The following CDK20 variants were observed in gnomAD, a reference collection of about 807,000 sequenced individuals.
CDK20 encodes the protein cyclin-dependent kinase 20.
In CDK20, 40 loss-of-function variants were observed where a neutral mutation model predicts 38.6. The ratio of observed to expected loss-of-function variants is 1.04; its 90% CI spans 0.81 to 1.35. The LOEUF is 1.35. Among genes scored for constraint, CDK20 ranks in the 40% most tolerant of loss-of-function variants. The pLI is 0.00. For missense variants in CDK20, 512 were observed against 452.6 expected (o/e 1.13, Z -1.19); for synonymous variants, 209 against 185.7 (o/e 1.13, Z -1.02).
intron 1 of CDK20, 72 bp downstream of exon 1, chr9:87,974,300 C>G: frequency 1.0e-5 from 15 of 1,487,084 alleles, no homozygotes; most frequent in Non-Finnish European, 1.3e-5. Flanking sequence ...GGAACCGAAA[C>G]AGTTTAGAGC....
rs753038570 is a variant in CDK20 at position 87,967,322 on chromosome 9, G to A, written c.*140C>T. 5.3e-4 allele frequency: 450 copies of A among 852,426 alleles called. No homozygotes were observed. Among genetic ancestry groups the A allele is most frequent in the Non-Finnish European group, 7.7e-4 (397 of 514,196 alleles). 52.8% of individuals were successfully genotyped at this position (852,426 alleles called of 1,614,324 possible). Reference sequence around the variant, plus strand: ...GACCTCTGCCTCGAGACCAACCCTCGCAAGGGCTAAGGGGCAGGGTGTGGT... The same window carrying A: ...GACCTCTGCCTCGAGACCAACCCTCACAAGGGCTAAGGGGCAGGGTGTGGT... On this transcript the variant is annotated 3_prime_UTR_variant, in exon 8 of 8. Coordinates refer to ENST00000325303, the MANE Select transcript of CDK20 (RefSeq NM_001039803.3).
At chr9:87,969,380 GAGA>G (rs1829688872) in intron 6 of CDK20, 31 bp from the exon 7 acceptor site, 1 of 1,610,760 alleles carries the variant, frequency 6.2e-7, no homozygotes, top group East Asian at 2.2e-5. Flanking sequence ...AGGGTACAAT[GAGA>G]GTAGTTCCCG....
intron 5 of CDK20, chr9:87,970,347 T>G (rs1829759527): frequency 1.8e-6 from 1 of 545,618 alleles, no homozygotes; most frequent in Non-Finnish European, 3.2e-6. Flanking sequence ...GCTTCCCACC[T>G]GGGACCACCA....
chr9:87,972,046 A>G (rs1255193580), intron 2 of CDK20, among the ~76,000 whole-genome samples: 1 of 152,096 alleles, frequency 6.6e-6, no homozygotes, highest in Admixed American at 6.5e-5. Flanking sequence ...TCTACAAAAA[A>G]TACAAAAAAC....
rs141591281 is a variant in CDK20 at position 87,974,527 on chromosome 9, C to T, written c.-81G>A. On this transcript the variant is annotated 5_prime_UTR_variant, in exon 1 of 8. Coordinates refer to ENST00000325303, the MANE Select transcript of CDK20 (RefSeq NM_001039803.3). ...CTCCTCCACCCCACGCTGATCTGAG[C>T]TCGCACGCTGTTGCCTAGCAACAGC... 6.9e-6 allele frequency: 9 copies of T among 1,311,764 alleles called. No individual in the cohort carries two copies. The highest frequency in any genetic ancestry group is 1.4e-5 in the South Asian group (1 of 69,444). The allele number at this position is 1,311,764 out of a possible 1,614,324, so 81.3% of individuals were successfully genotyped here.
At chr9:87,970,103 C>T in intron 5 of CDK20, 184 bp from the exon 6 acceptor site, 1 of 589,292 alleles carries the variant, frequency 1.7e-6, no homozygotes, top group South Asian at 3.7e-5. Flanking sequence ...AGCAAAGCCC[C>T]AGCTGTTCCA....
At chr9:87,972,382 A>C (rs1411361951) in intron 2 of CDK20, among the ~76,000 whole-genome samples, 2 of 152,164 alleles carry the variant, frequency 1.3e-5, no homozygotes, top group Admixed American at 1.3e-4. Flanking sequence ...CCAGCACAGA[A>C]GGAGGCTAGA....
intron 6 of CDK20, 181 bp downstream of exon 6, chr9:87,969,615 C>T (rs1564155975): frequency 5.1e-6 from 5 of 987,670 alleles, no homozygotes; most frequent in African/African-American, 4.9e-5. Context: ...AGGACAGGAT[C>T]TACCCCAACC....
chr9:87,968,956 C>T (rs1352817364), intron 7 of CDK20: 2 of 532,492 alleles, frequency 3.8e-6, no homozygotes, highest in Non-Finnish European at 6.7e-6. Flanking sequence ...GTTGGGCATG[C>T]CCCTCGTATG....
Position 87,969,549 on chromosome 9 carries a change from CTG to C in CDK20, c.688-202_688-201del, listed in dbSNP as rs538157225. The C allele has an allele frequency of 9.4e-5, 72 of 765,566 alleles. No homozygotes were observed. The African/African-American group carries it at 1.0e-3, about 11-fold the overall frequency. The allele number at this position is 765,566 out of a possible 1,614,324, so 47.4% of individuals were successfully genotyped here. A position where few individuals can be genotyped will look rare whatever the true frequency, so the allele number is the denominator to read the frequency against. On this transcript the variant is annotated intron_variant, in intron 6 of 7. Transcript: ENST00000325303. ...CCCCTTGCCCTCTCAGATGACGACTCTGTGCACAGCTTGCTGAGACACTGCAC... is the reference window on the plus strand; with the variant it reads ...CCCCTTGCCCTCTCAGATGACGACTCTGCACAGCTTGCTGAGACACTGCAC...
At chr9:87,971,001 T>C in intron 3 of CDK20, 104 bp from the exon 4 acceptor site, 1 of 1,536,390 alleles carries the variant, frequency 6.5e-7, no homozygotes. Context: ...GGTCCCCACC[T>C]CCTCCAGGGC....
rs150947699 is a variant in CDK20, at chr9:87,969,442, C to T, written c.688-93G>A. ...CAACTCTCAGCCCCTAACACACACT[C>T]ACATGGGGGGTGCTCTCCCATCCAT... On this transcript the variant is annotated intron_variant, in intron 6 of 7. Transcript: ENST00000325303. The T allele has an allele frequency of 2.3e-5, 31 of 1,368,898 alleles. No homozygotes were observed. In the Admixed American group the frequency reaches 2.6e-4, roughly 11 times the overall value. 84.8% of individuals were successfully genotyped at this position (1,368,898 alleles called of 1,614,324 possible).
In CDK20 at chr9:87,966,847, A is replaced by G. The variant is rs1254725309; in HGVS notation, c.*615T>C. The G allele has an allele frequency of 2.8e-6, 1 of 359,598 alleles. No homozygotes were observed. Among genetic ancestry groups the G allele is most frequent in the East Asian group, 7.3e-5 (1 of 13,640 alleles). The allele number at this position is 359,598 out of a possible 1,614,324, so 22.3% of individuals were successfully genotyped here. ...GATGTGAAGTACACAGGAGTCCCTC[A>G]GGGCAAAAGTGGCTATGCCTGGTGC... On this transcript the variant is annotated 3_prime_UTR_variant, in exon 8 of 8. Transcript: ENST00000325303.
At chr9:87,971,115 A>C in intron 3 of CDK20, 32 bp downstream of exon 3, 1 of 1,604,354 alleles carries the variant, frequency 6.2e-7, no homozygotes, top group East Asian at 2.2e-5. Flanking sequence ...TCAGCTCCCC[A>C]GACCCCATGC....
In CDK20 at chr9:87,971,129, G is replaced by C. The variant is rs774519698; in HGVS notation, c.378+18C>G. ...GTCAGCTCCCCAGACCCCATGCCCGGCCTATGCTGAGACTGACCCGATGTA... is the reference window on the plus strand; with the variant it reads ...GTCAGCTCCCCAGACCCCATGCCCGCCCTATGCTGAGACTGACCCGATGTA... On this transcript the variant is annotated intron_variant, in intron 3 of 7. Coordinates refer to ENST00000325303, the MANE Select transcript of CDK20 (RefSeq NM_001039803.3). 4.3e-6 allele frequency: 7 copies of C among 1,610,280 alleles called. No homozygotes were observed. The highest frequency in any genetic ancestry group is 5.1e-6 in the Non-Finnish European group (6 of 1,177,100).
At chr9:87,972,809 A>G (rs1464036708) in intron 2 of CDK20, among the ~76,000 whole-genome samples, 2 of 152,178 alleles carry the variant, frequency 1.3e-5, no homozygotes, top group Non-Finnish European at 2.9e-5. Flanking sequence ...CTCTCCACCT[A>G]TCCCACACAT....
chr9:87,972,212 G>C (rs28372317), intron 2 of CDK20, among the ~76,000 whole-genome samples: 1 of 150,192 alleles, frequency 6.7e-6, no homozygotes, highest in African/African-American at 2.4e-5. Context: ...ATCAAAAAAA[G>C]AAAAAAAATC....
At chr9:87,974,273 G>T in intron 1 of CDK20, 99 bp downstream of exon 1, 1 of 1,336,914 alleles carries the variant, frequency 7.5e-7, no homozygotes, top group Non-Finnish European at 1.0e-6. Context: ...TTTAAAAACT[G>T]TACTGGATGT....
rs745561217 is a variant in CDK20, at chr9:87,969,873, A to G, written c.610T>C (p.Phe204Leu). 1.5e-5 allele frequency: 24 copies of G among 1,606,082 alleles called. No individual in the cohort carries two copies. The Middle Eastern group carries it at 2.2e-3, about 145-fold the overall frequency. Residue 204 changes from phenylalanine to leucine, a missense_variant, in exon 6 of 8, where the codon TTC becomes CTC. Phe to Leu is a conservative substitution (Grantham distance 22, BLOSUM62 0). Coordinates refer to ENST00000325303, the MANE Select transcript of CDK20 (RefSeq NM_001039803.3). ...MGELLNGSPLFPGKNDIEQLC... is the reference protein window; with the variant it reads ...MGELLNGSPLLPGKNDIEQLC... Reference sequence around the variant, plus strand: ...TGTTCAATATCGTTCTTGCCCGGGAAAAGGGGGGACCCATTCAACAGCTCC... The same window carrying G: ...TGTTCAATATCGTTCTTGCCCGGGAGAAGGGGGGACCCATTCAACAGCTCC...
Sources: allele counts gnomAD v4.1 joint callset (sites outside exome capture counted in the v4.1 genomes callset), GRCh38; gene constraint gnomAD v4.1.1; transcripts MANE v1.5; gene names NCBI Gene and HGNC (gene_info 2026-07-23, HGNC 2026-07-21).